ESR2: variants seen among roughly 807,000 people sequenced by gnomAD.
The protein encoded by ESR2 is estrogen receptor 2.
ESR2 carries 36 observed loss-of-function variants against 49.6 expected under a neutral mutation model. The observed-to-expected ratio is 0.73, with a 90% CI of 0.56 to 0.96. The LOEUF is 0.96. Ranked by LOEUF, ESR2 falls within the 40% of genes least tolerant of loss-of-function variation. The pLI is 0.00. For synonymous variants in ESR2, 320 were observed against 266.1 expected (o/e 1.20, Z -1.97); for missense variants, 714 against 693.0 (o/e 1.03, Z -0.34).
intron 1 of ESR2, among the ~76,000 whole-genome samples, chr14:64,306,880 T>C (rs2077107303): frequency 6.6e-6 from 1 of 152,208 alleles, no homozygotes; most frequent in Non-Finnish European, 1.5e-5. Flanking sequence ...TTTGGTATAA[T>C]TCACCACTGA....
intron 1 of ESR2, among the ~76,000 whole-genome samples, chr14:64,323,189 G>T (rs139956663): frequency 1.3e-4 from 20 of 152,168 alleles, no homozygotes; most frequent in African/African-American, 4.6e-4. Flanking sequence ...TAAGTGTTGG[G>T]GTAGGCACAT....
intron 1 of ESR2, among the ~76,000 whole-genome samples, chr14:64,319,280 A>G (rs2077297145): frequency 6.6e-6 from 1 of 152,176 alleles, no homozygotes. Flanking sequence ...ACTAACTCAA[A>G]ATACATCACA....
At chr14:64,278,329 G>A (rs553772760) in intron 3 of ESR2, among the ~76,000 whole-genome samples, 2 of 152,266 alleles carry the variant, frequency 1.3e-5, no homozygotes, top group South Asian at 4.2e-4. Context: ...TAAAATCCAG[G>A]ACAAAGAGGC....
chr14:64,258,426 C>T (rs2076148681), intron 5 of ESR2, among the ~76,000 whole-genome samples: 2 of 152,014 alleles, frequency 1.3e-5, no homozygotes, highest in South Asian at 2.1e-4. Context: ...CAAAAGACAC[C>T]GCCTTGGAGT....
intron 7 of ESR2, among the ~76,000 whole-genome samples, chr14:64,244,653 G>A (rs1395442993): frequency 6.6e-6 from 1 of 152,142 alleles, no homozygotes; most frequent in African/African-American, 2.4e-5. Context: ...CTCAAACTGA[G>A]GGTTACACCA....
intron 1 of ESR2, among the ~76,000 whole-genome samples, chr14:64,327,078 T>C (rs568326862): frequency 2.0e-5 from 3 of 152,350 alleles, no homozygotes; most frequent in East Asian, 1.9e-4. Flanking sequence ...TGTCCTTTCA[T>C]ATTCATATGG....
intron 1 of ESR2, among the ~76,000 whole-genome samples, chr14:64,314,030 T>C (rs2077221127): frequency 6.6e-6 from 1 of 152,062 alleles, no homozygotes; most frequent in Non-Finnish European, 1.5e-5. Context: ...CAAAATCCAA[T>C]TGACATTTGT....
At chr14:64,263,986 C>G (rs1467029639) in intron 4 of ESR2, among the ~76,000 whole-genome samples, 2 of 152,142 alleles carry the variant, frequency 1.3e-5, no homozygotes, top group African/African-American at 2.4e-5. Context: ...TTCCAAATCC[C>G]TATACATTTG....
At chr14:64,286,577 C>T (rs900286280) in intron 1 of ESR2, among the ~76,000 whole-genome samples, 7 of 152,284 alleles carry the variant, frequency 4.6e-5, no homozygotes, top group Admixed American at 1.3e-4. Context: ...GCTGGGATTA[C>T]AAGCGAGAGC....
intron 1 of ESR2, among the ~76,000 whole-genome samples, chr14:64,291,515 AG>A (rs1421147498): frequency 5.4e-5 from 8 of 147,262 alleles, no homozygotes; most frequent in Non-Finnish European, 8.8e-5. Flanking sequence ...CATAGAACAA[AG>A]GAAAAAGGAA....
At chr14:64,257,090 T>G in intron 6 of ESR2, 136 bp downstream of exon 6, 1 of 784,328 alleles carries the variant, frequency 1.3e-6, no homozygotes, top group South Asian at 1.7e-5. Context: ...CTTGACCCAG[T>G]GAAGGAGCTG....
chr14:64,283,109 G>C, intron 1 of ESR2, 34 bp from the exon 2 acceptor site: 2 of 897,208 alleles, frequency 2.2e-6, no homozygotes, highest in Non-Finnish European at 3.3e-6. Context: ...TGCCAAGTTA[G>C]AGCTACAGCT....
At chr14:64,290,047 C>T (rs2076846382) in intron 1 of ESR2, among the ~76,000 whole-genome samples, 1 of 152,060 alleles carries the variant, frequency 6.6e-6, no homozygotes, top group Admixed American at 6.5e-5. Context: ...CCTTGATGTG[C>T]ATAAGTAGCT....
intron 7 of ESR2, among the ~76,000 whole-genome samples, chr14:64,244,935 C>T (rs1455657759): frequency 6.6e-6 from 1 of 152,206 alleles, no homozygotes; most frequent in Admixed American, 6.5e-5. Flanking sequence ...GGGCTCTCCT[C>T]GTTTGTGTCC....
At position 64,229,071 on chromosome 14, in the gene ESR2, G is replaced by A. The variant is rs547829178; in HGVS notation, c.*4066C>T. 1.3e-5 allele frequency among the ~76,000 whole-genome samples: 2 copies of A among 152,280 alleles called. No individual in the cohort carries two copies. The highest frequency in any genetic ancestry group is 4.1e-4 in the South Asian group (2 of 4,820). The stretch of plus-strand genomic sequence containing the variant: ...TTGGGGAAAGCAGTCACAGACAGGA[G>A]GTGATCACAGTACCCACTAGAGCTC... On this transcript the variant is annotated 3_prime_UTR_variant, in exon 9 of 9. Coordinates refer to ENST00000341099, the MANE Select transcript of ESR2 (RefSeq NM_001437.3).
intron 6 of ESR2, among the ~76,000 whole-genome samples, chr14:64,256,946 T>C (rs193100944): frequency 6.8e-4 from 103 of 152,270 alleles, no homozygotes; most frequent in Admixed American, 1.2e-3. Flanking sequence ...TGTCGACTTA[T>C]ACACATAGTG....
intron 4 of ESR2, among the ~76,000 whole-genome samples, chr14:64,265,566 C>T (rs1009901263): frequency 6.6e-6 from 1 of 152,154 alleles, no homozygotes; most frequent in Non-Finnish European, 1.5e-5. Flanking sequence ...GAAGAGTATA[C>T]AGCAGGTATA....
chr14:64,284,921 C>T (rs2076758916), intron 1 of ESR2, among the ~76,000 whole-genome samples: 1 of 151,276 alleles, frequency 6.6e-6, no homozygotes, highest in Admixed American at 6.6e-5. Flanking sequence ...GCAATCTCGG[C>T]TCACTGCAAC....
At chr14:64,324,729 T>A (rs930534533) in intron 1 of ESR2, among the ~76,000 whole-genome samples, 1 of 152,224 alleles carries the variant, frequency 6.6e-6, no homozygotes, top group African/African-American at 2.4e-5. Context: ...TACTTCCTGA[T>A]AGTTAACAGT....
Sources: gnomAD v4.1 joint callset for allele counts (sites outside exome capture counted in the v4.1 genomes callset) on GRCh38, gnomAD v4.1.1 for gene constraint, MANE v1.5 for transcripts, NCBI Gene and HGNC (gene_info 2026-07-23, HGNC 2026-07-21) for gene names.